The following ESPN variants were observed in gnomAD, a reference collection of about 807,000 sequenced individuals.
The protein encoded by ESPN is espin.
In ESPN, 68 loss-of-function variants were observed where a neutral mutation model predicts 77.7. That is an observed-to-expected ratio of 0.87 (90% CI 0.72 to 1.07). The LOEUF (loss-of-function observed/expected upper bound fraction) is 1.07, where lower values mean the gene tolerates loss of function less well. Among genes scored for constraint, ESPN ranks in the 50% least tolerant of loss-of-function variants. The pLI is 0.00. For synonymous variants in ESPN, 449 were observed against 567.1 expected (o/e 0.79, Z 2.96); for missense variants, 1,060 against 1,239.0 (o/e 0.86, Z 2.17).
At chr1:6,456,229 C>G (rs113858328) in intron 10 of ESPN, 1 of 395,896 alleles carries the variant, frequency 2.5e-6, no homozygotes, top group Non-Finnish European at 4.5e-6. Flanking sequence ...AGTTCACCCT[C>G]GAGCGTCTTA....
intron 10 of ESPN, among the ~76,000 whole-genome samples, chr1:6,452,719 T>C (rs1643971155): frequency 6.6e-6 from 1 of 152,162 alleles, no homozygotes; most frequent in Non-Finnish European, 1.5e-5. Context: ...CAAGAGGGCT[T>C]TGGTCTCAGT....
intron 3 of ESPN, 73 bp downstream of exon 3, chr1:6,440,513 G>T: frequency 2.5e-6 from 3 of 1,181,066 alleles, no homozygotes; most frequent in Non-Finnish European, 3.4e-6. Context: ...GAGGGAGCGG[G>T]GCCATCAGGG....
In ESPN at chr1:6,440,412, T is replaced by G. The variant is rs1434024481; in HGVS notation, c.647T>G (p.Met216Arg). ...GMTPLHAAAQ[M>R]GHSPVIVWLV... ...ACCCCGCTGCACGCCGCGGCGCAGA[T>G]GGGCCACAGCCCAGTCATCGTGTGG... The change falls in exon 3 of 13, where the codon ATG becomes AGG. Residue 216 changes from methionine to arginine, a missense_variant. Physicochemically the swap from Met to Arg is moderately conservative, Grantham distance 91. Around this residue, in one of 3 missense-constraint regions of ESPN, gnomAD observed 556 missense variants for 633.6 expected, o/e 0.88. Coordinates refer to ENST00000645284, the MANE Select transcript of ESPN (RefSeq NM_031475.3). 6.4e-7 allele frequency: 1 copy of G among 1,573,960 alleles called. No homozygotes were observed. The highest frequency in any genetic ancestry group is 2.3e-5 in the East Asian group (1 of 42,914).
intron 2 of ESPN, among the ~76,000 whole-genome samples, chr1:6,430,266 G>T (rs1054106866): frequency 1.3e-5 from 2 of 152,194 alleles, no homozygotes; most frequent in African/African-American, 4.8e-5. Context: ...TCTCGCTGGC[G>T]CGTGGGTGAG....
In ESPN at chr1:6,432,354, G is replaced by C. The variant is rs146047720; in HGVS notation, c.488+3935G>C. On this transcript the variant is annotated intron_variant, in intron 2 of 12. Transcript: ENST00000645284. ...GATCACCAGCTCCAGGTCTACCCTT[G>C]GTGTCTGTCAGTTCACCTGGCAGCA... Among the ~76,000 whole-genome samples, 36 of 152,298 alleles carry C rather than the reference G, an allele frequency of 2.4e-4. No individual in the cohort carries two copies. The East Asian group carries it at 6.6e-3, about 28-fold the overall frequency.
chr1:6,439,041 G>A (rs1643530458), intron 2 of ESPN, among the ~76,000 whole-genome samples: 2 of 152,208 alleles, frequency 1.3e-5, no homozygotes, highest in South Asian at 4.1e-4. Flanking sequence ...GAACCCAGGA[G>A]GCAGAGGTTG....
chr1:6,442,425 T>G (rs1355816683), intron 5 of ESPN, among the ~76,000 whole-genome samples: 1 of 149,932 alleles, frequency 6.7e-6, no homozygotes, highest in African/African-American at 2.5e-5. Flanking sequence ...AAAAAAAAAT[T>G]TAGCCAGGTA....
At chr1:6,453,114 G>C (rs558641714) in intron 10 of ESPN, among the ~76,000 whole-genome samples, 2 of 152,288 alleles carry the variant, frequency 1.3e-5, no homozygotes, top group East Asian at 3.9e-4. Flanking sequence ...GGCCGGTCTC[G>C]AACTCCTGGC....
At chr1:6,448,267 G>T (rs1021382204) in intron 7 of ESPN, 3 of 176,496 alleles carry the variant, frequency 1.7e-5, no homozygotes, top group East Asian at 1.5e-4. Flanking sequence ...TCTGACAGCC[G>T]AGAGCGGAGT....
rs200893214 is a variant in ESPN at position 6,457,326 on chromosome 1, A to T, written c.2406-35A>T. On this transcript the variant is annotated intron_variant, in intron 11 of 12. Coordinates refer to ENST00000645284, the MANE Select transcript of ESPN (RefSeq NM_031475.3). ...TGTCTTGACTGCGTCCCTGAGGTGG[A>T]GGTACCAAGTGACACTGTCTCTTTT... 11 of 1,614,066 alleles carry T rather than the reference A, an allele frequency of 6.8e-6. No homozygotes were observed. The South Asian group carries it at 9.9e-5, about 14-fold the overall frequency.
rs1643939109 is a variant in ESPN, at chr1:6,451,317, G to A, written c.1916-286G>A. On this transcript the variant is annotated intron_variant, in intron 8 of 12. Coordinates refer to ENST00000645284, the MANE Select transcript of ESPN (RefSeq NM_031475.3). This position sits in a 1 kb window ranked among gnomAD's most constrained non-coding sequence, Gnocchi z 4.3. ...AGTCAGTGGCTGGGCGGGGACATAT[G>A]CCCAAGAGCCACCATGAACTCCCAG... 1.9e-6 allele frequency: 1 copy of A among 517,720 alleles called. No homozygotes were observed. The highest frequency in any genetic ancestry group is 3.5e-5 in the East Asian group (1 of 28,592). 32.1% of individuals were successfully genotyped at this position (517,720 alleles called of 1,614,324 possible). A position where few individuals can be genotyped will look rare whatever the true frequency, so the allele number is the denominator to read the frequency against.
chr1:6,454,418 G>C (rs1644012330), intron 10 of ESPN: 1 of 398,774 alleles, frequency 2.5e-6, no homozygotes, highest in African/African-American at 2.1e-5. Flanking sequence ...CCCCTCTCTT[G>C]TCTTCCCCGC....
At chr1:6,440,023 G>T (rs1391010357) in intron 2 of ESPN, among the ~76,000 whole-genome samples, 1 of 151,970 alleles carries the variant, frequency 6.6e-6, no homozygotes, top group Non-Finnish European at 1.5e-5. Flanking sequence ...AAAAAAGTAG[G>T]ACTGAGGGCA....
chr1:6,441,248 G>A (rs1643627478), intron 5 of ESPN, among the ~76,000 whole-genome samples, 183 bp downstream of exon 5: 1 of 152,162 alleles, frequency 6.6e-6, no homozygotes, highest in Non-Finnish European at 1.5e-5. Context: ...GAGGCACAAA[G>A]GTCAACGGAA....
rs9435258 is a variant in ESPN at position 6,450,128 on chromosome 1, T to C, written c.1915+1037T>C. ...ATACTCTGGGCTTCCCGAGACACCC[T>C]CACCCAGCACAGCCAGGGCTGGGTG... On this transcript the variant is annotated intron_variant, in intron 8 of 12. Transcript: ENST00000645284. This position sits in a 1 kb window ranked among gnomAD's most constrained non-coding sequence, Gnocchi z 4.3. Among the ~76,000 whole-genome samples, 2,780 of 152,124 alleles carry C rather than the reference T, an allele frequency of 0.018. 87 individuals are homozygous for C. The highest frequency in any genetic ancestry group is 0.063 in the African/African-American group (2,604 of 41,496).
intron 5 of ESPN, 70 bp from the exon 6 acceptor site, chr1:6,444,411 G>A: frequency 6.6e-7 from 1 of 1,509,630 alleles, no homozygotes; most frequent in South Asian, 1.2e-5. Flanking sequence ...TGACTGAGTA[G>A]GACCCTGGCC....
At chr1:6,445,972 G>A in intron 7 of ESPN, 37 bp downstream of exon 7, 3 of 1,609,722 alleles carry the variant, frequency 1.9e-6, no homozygotes, top group South Asian at 2.2e-5. Flanking sequence ...CTCCCAGCAG[G>A]GGGACTGGGC....
chr1:6,452,166 C>T (rs1643958656), intron 10 of ESPN, 70 bp downstream of exon 10: 1 of 1,437,868 alleles, frequency 7.0e-7, no homozygotes, highest in Non-Finnish European at 9.2e-7. Flanking sequence ...CCCCACGCCA[C>T]CCCCAACCCC....
rs1465190390 is a variant in ESPN, at chr1:6,447,449, A to G, written c.1465-1192A>G. The G allele has an allele frequency of 1.3e-5, 2 of 152,308 alleles. No individual in the cohort carries two copies. Among genetic ancestry groups the G allele is most frequent in the East Asian group, 3.9e-4 (2 of 5,164 alleles). 9.4% of individuals were successfully genotyped at this position (152,308 alleles called of 1,614,324 possible). On this transcript the variant is annotated intron_variant, in intron 7 of 12. Coordinates refer to ENST00000645284, the MANE Select transcript of ESPN (RefSeq NM_031475.3). The surrounding 1 kb of genome is among the most constrained non-coding windows in gnomAD (Gnocchi z 5.2). ...ATCCTGCGGTGTCGCATTTCCTGCA[A>G]CGTGAGCCAGGTCGGGCGGGGTGAA...
Sources: allele counts gnomAD v4.1 joint callset (sites outside exome capture counted in the v4.1 genomes callset), GRCh38; gene constraint gnomAD v4.1.1; regional missense constraint gnomAD v4.1.1; non-coding constraint Gnocchi (gnomAD v3.1); transcripts MANE v1.5; gene names NCBI Gene and HGNC (gene_info 2026-07-23, HGNC 2026-07-21).